WDR49: variants seen among roughly 807,000 people sequenced by gnomAD.
WDR49 encodes the protein cilia- and flagella-associated protein 337.
Under a neutral mutation model 119.5 loss-of-function variants are expected in WDR49, and 107 were observed. The ratio of observed to expected loss-of-function variants is 0.90; its 90% confidence interval spans 0.77 to 1.05. The LOEUF is 1.05. Ranked by LOEUF, WDR49 falls within the 50% of genes least tolerant of loss-of-function variation. The pLI is 0.00. For missense variants in WDR49, 1,240 were observed against 1,220.5 expected, an observed-to-expected ratio of 1.02 and a Z score of -0.24; for synonymous variants, 425 against 418.8, an observed-to-expected ratio of 1.01 and a Z score of -0.18.
rs571817457 is a variant in WDR49, at chr3:167,634,261, A to G, written c.166-6969T>C. On this transcript the variant is annotated intron_variant, in intron 2 of 18. Transcript: ENST00000682715. The stretch of plus-strand genomic sequence containing the variant: ...CTCTTCTAATAAAGGTGAAAATTAT[A>G]TGAGCCATTAGAAAACATAATCTCA... Among the ~76,000 whole-genome samples the G allele has an allele frequency of 6.6e-5, 10 of 152,082 alleles. No individual in the cohort carries two copies. In the South Asian group the frequency reaches 1.9e-3, roughly 28 times the overall value.
intron 3 of WDR49, among the ~76,000 whole-genome samples, chr3:167,623,028 GATTAA>G (rs1195275257): frequency 2.6e-5 from 4 of 152,006 alleles, no homozygotes; most frequent in Middle Eastern, 3.4e-3. Context: ...ACAAATGAAA[GATTAA>G]ATTAATAGTC....
At chr3:167,501,468 AT>A (rs2108210087) in intron 17 of WDR49, among the ~76,000 whole-genome samples, 1 of 152,282 alleles carries the variant, frequency 6.6e-6, no homozygotes, top group South Asian at 2.1e-4. Context: ...TTACATATCT[AT>A]CTCGTGTAAT....
chr3:167,521,260 A>G (rs1342869116), intron 16 of WDR49, among the ~76,000 whole-genome samples: 2 of 152,188 alleles, frequency 1.3e-5, no homozygotes, highest in African/African-American at 2.4e-5. Context: ...GAGGTGAGCC[A>G]TAAGAAACTA....
intron 18 of WDR49, among the ~76,000 whole-genome samples, chr3:167,499,883 G>A (rs570199836): frequency 2.2e-4 from 33 of 152,178 alleles, no homozygotes; most frequent in African/African-American, 6.3e-4. Flanking sequence ...TCTCATCCAC[G>A]GAAGATTCAT....
In WDR49 at chr3:167,520,160, T is replaced by C. The variant is rs925822277; in HGVS notation, c.2774+2155A>G. 8.6e-5 allele frequency among the ~76,000 whole-genome samples: 13 copies of C among 151,588 alleles called. 1 individual carries two copies. Among genetic ancestry groups the C allele is most frequent in the Non-Finnish European group, 1.3e-4 (9 of 67,916 alleles). On this transcript the variant is annotated intron_variant, in intron 16 of 18. Transcript: ENST00000682715. ...TACTTGGGAGGCTGAGGTGGGAGGA[T>C]TGATTGAGCCAGGGAAGTTGATGCT...
chr3:167,573,832 C>T (rs907810531), intron 8 of WDR49, among the ~76,000 whole-genome samples: 2 of 152,154 alleles, frequency 1.3e-5, no homozygotes, highest in African/African-American at 4.8e-5. Flanking sequence ...TTAACTCCCA[C>T]GATGTCTGCA....
At chr3:167,583,641 A>G (rs1714664973) in intron 7 of WDR49, among the ~76,000 whole-genome samples, 1 of 152,194 alleles carries the variant, frequency 6.6e-6, no homozygotes, top group African/African-American at 2.4e-5. Flanking sequence ...AAACAAACTT[A>G]AAATGGGGAC....
chr3:167,554,816 A>C lies in WDR49; in HGVS notation c.1675-18T>G, dbSNP rs367624509. On this transcript the variant is annotated intron_variant, in intron 9 of 18. Coordinates refer to ENST00000682715, the MANE Select transcript of WDR49 (RefSeq NM_001366157.1). ...TCCCATATCTTTAAGAGAAAAATTA[A>C]AACCACTTTGAGACAGGAAGGTAAA... is the stretch of plus-strand genomic sequence containing the variant. 4.4e-5 allele frequency: 70 copies of C among 1,573,916 alleles called. No homozygotes were observed. In the African/African-American group the frequency reaches 8.9e-4, roughly 20 times the overall value.
chr3:167,652,418 C>T (rs1016889199), intron 2 of WDR49, among the ~76,000 whole-genome samples: 1 of 152,110 alleles, frequency 6.6e-6, no homozygotes, highest in African/African-American at 2.4e-5. Context: ...ATACTCCAAG[C>T]ACCCACGGAC....
intron 18 of WDR49, among the ~76,000 whole-genome samples, chr3:167,480,503 T>C (rs1750677554): frequency 6.6e-6 from 1 of 152,158 alleles, no homozygotes. Context: ...AACTTTCCAC[T>C]TCCAGTGTAA....
intron 16 of WDR49, among the ~76,000 whole-genome samples, chr3:167,517,500 C>A (rs150846995): frequency 1.8e-4 from 28 of 152,122 alleles, no homozygotes; most frequent in African/African-American, 5.8e-4. Context: ...TCCTTCCTTA[C>A]ATCTTATACA....
At chr3:167,497,342 AT>A (rs1307174320) in intron 18 of WDR49, among the ~76,000 whole-genome samples, 1 of 152,242 alleles carries the variant, frequency 6.6e-6, no homozygotes, top group Non-Finnish European at 1.5e-5. Flanking sequence ...AGGAAGAAAA[AT>A]TGAAGAAAGA....
intron 3 of WDR49, among the ~76,000 whole-genome samples, chr3:167,623,918 GA>G (rs1716987380): frequency 6.6e-6 from 1 of 151,872 alleles, no homozygotes; most frequent in Non-Finnish European, 1.5e-5. Context: ...TGAACAGTCT[GA>G]AAATGAAATT....
At position 167,640,865 on chromosome 3, in the gene WDR49, G is replaced by A. The variant is rs181369571; in HGVS notation, c.165+12396C>T. The stretch of plus-strand genomic sequence containing the variant: ...GGTTGCATGGTAATAAAGTGCCATC[G>A]AGAAAACCCCACAGGCAATATGGCT... On this transcript the variant is annotated intron_variant, in intron 2 of 18. Transcript: ENST00000682715. Among the ~76,000 whole-genome samples, 18 of 151,836 alleles carry A rather than the reference G, an allele frequency of 1.2e-4. No homozygotes were observed. The East Asian group carries it at 2.5e-3, about 21-fold the overall frequency.
At chr3:167,621,050 C>A (rs1047263840) in intron 4 of WDR49, among the ~76,000 whole-genome samples, 1 of 151,800 alleles carries the variant, frequency 6.6e-6, no homozygotes, top group East Asian at 1.9e-4. Context: ...AATGAGCACT[C>A]GGTAGGAAAT....
chr3:167,600,274 C>T (rs1334545164), intron 7 of WDR49, among the ~76,000 whole-genome samples: 2 of 152,086 alleles, frequency 1.3e-5, no homozygotes, highest in Admixed American at 6.6e-5. Flanking sequence ...CATGTCCCCC[C>T]ACACTTCCCC....
At chr3:167,558,851 C>G (rs927053046) in intron 9 of WDR49, among the ~76,000 whole-genome samples, 7 of 152,076 alleles carry the variant, frequency 4.6e-5, no homozygotes, top group Non-Finnish European at 1.0e-4. Context: ...ATTCTCACAC[C>G]CCAGGACTGG....
chr3:167,651,087 A>C (rs1454872590), intron 2 of WDR49, among the ~76,000 whole-genome samples: 3 of 152,162 alleles, frequency 2.0e-5, no homozygotes, highest in Non-Finnish European at 2.9e-5. Flanking sequence ...GGTATGTGAT[A>C]TTTTATTCGG....
At chr3:167,614,788 C>A (rs1457998517) in intron 5 of WDR49, among the ~76,000 whole-genome samples, 2 of 152,126 alleles carry the variant, frequency 1.3e-5, no homozygotes, top group African/African-American at 4.8e-5. Context: ...TTCTTTCTTT[C>A]CTCAATTGTA....
Sources: allele counts gnomAD v4.1 joint callset (sites outside exome capture counted in the v4.1 genomes callset), GRCh38; gene constraint gnomAD v4.1.1; transcripts MANE v1.5; gene names NCBI Gene and HGNC (gene_info 2026-07-23, HGNC 2026-07-21).